CENPP: variants seen among roughly 807,000 people sequenced by gnomAD.
CENPP encodes centromere protein P.
A neutral mutation model predicts 35.6 loss-of-function variants in CENPP; 24 were observed. The ratio of observed to expected loss-of-function variants is 0.67; its 90% CI spans 0.49 to 0.95. The LOEUF is 0.95. Among genes scored for constraint, CENPP ranks in the 40% least tolerant of loss-of-function variants. The pLI is 0.00. For missense variants in CENPP, 332 were observed against 345.3 expected (o/e 0.96, Z 0.31); for synonymous variants, 120 against 125.5 (o/e 0.96, Z 0.29).
intron 4 of CENPP, among the ~76,000 whole-genome samples, chr9:92,346,807 G>A (rs1164481541): frequency 1.3e-5 from 2 of 152,156 alleles, no homozygotes; most frequent in African/African-American, 4.8e-5. Context: ...AAAAATGAGT[G>A]GGCATGGGAT....
intron 5 of CENPP, chr9:92,510,022 A>G: frequency 6.3e-7 from 1 of 1,597,352 alleles, no homozygotes; most frequent in Non-Finnish European, 8.5e-7. Context: ...AAACGCATTA[A>G]CTTCTTCAGA....
At chr9:92,597,995 A>T (rs769018844) in intron 5 of CENPP, among the ~76,000 whole-genome samples, 1 of 152,218 alleles carries the variant, frequency 6.6e-6, no homozygotes, top group Admixed American at 6.5e-5. Flanking sequence ...TAGAAAAATC[A>T]TATTTGTAAC....
At chr9:92,360,141 T>C (rs1418796762) in intron 4 of CENPP, among the ~76,000 whole-genome samples, 1 of 152,240 alleles carries the variant, frequency 6.6e-6, no homozygotes, top group Non-Finnish European at 1.5e-5. Context: ...TCTTTTAATT[T>C]ATTTCATTCA....
chr9:92,594,070 C>G (rs1200924944), intron 5 of CENPP, among the ~76,000 whole-genome samples: 1 of 152,184 alleles, frequency 6.6e-6, no homozygotes, highest in Non-Finnish European at 1.5e-5. Flanking sequence ...ATGGAAGATG[C>G]TAATAACAGA....
Position 92,372,960 on chromosome 9 carries a change from A to C in CENPP, c.468-6803A>C, listed in dbSNP as rs552392600. On this transcript the variant is annotated intron_variant, in intron 4 of 7. Coordinates refer to ENST00000375587, the MANE Select transcript of CENPP (RefSeq NM_001012267.3). The stretch of plus-strand genomic sequence containing the variant: ...ATTGCATTTGCTTTGAGGTCGTTGA[A>C]CATTTTGTTTCTGAATGTCTAAATC... Among the ~76,000 whole-genome samples, 10 of 152,212 alleles carry C rather than the reference A, an allele frequency of 6.6e-5. No homozygotes were observed. In the South Asian group the frequency reaches 1.9e-3, roughly 28 times the overall value.
In CENPP at chr9:92,601,746, A is replaced by G. The variant is rs563565275; in HGVS notation, c.565-9568A>G. On this transcript the variant is annotated intron_variant, in intron 5 of 7. Coordinates refer to ENST00000375587, the MANE Select transcript of CENPP (RefSeq NM_001012267.3). Reference sequence around the variant, plus strand: ...AAATCGGCTGATCAAACAAGGGGATACACTGAGGGTGAAGGGACACAGTCT... The same window carrying G: ...AAATCGGCTGATCAAACAAGGGGATGCACTGAGGGTGAAGGGACACAGTCT... 1.7e-4 allele frequency among the ~76,000 whole-genome samples: 26 copies of G among 152,332 alleles called. 1 individual carries two copies. The East Asian group carries it at 4.8e-3, about 28-fold the overall frequency.
At chr9:92,346,518 G>A (rs1841298531) in intron 4 of CENPP, among the ~76,000 whole-genome samples, 1 of 152,148 alleles carries the variant, frequency 6.6e-6, no homozygotes, top group Non-Finnish European at 1.5e-5. Context: ...AATTAGGTAA[G>A]GTCCATACTA....
At chr9:92,582,013 G>A (rs1850437046) in intron 5 of CENPP, among the ~76,000 whole-genome samples, 1 of 151,598 alleles carries the variant, frequency 6.6e-6, no homozygotes, top group Non-Finnish European at 1.5e-5. Flanking sequence ...GCTAACACAG[G>A]GGAAAAACAC....
intron 5 of CENPP, among the ~76,000 whole-genome samples, chr9:92,437,837 G>A: frequency 6.6e-6 from 1 of 151,988 alleles, no homozygotes; most frequent in Admixed American, 6.6e-5. Flanking sequence ...ACAACTTACT[G>A]CAACTTTAAC....
intron 4 of CENPP, among the ~76,000 whole-genome samples, chr9:92,352,522 TA>T (rs1841489578): frequency 8.9e-6 from 1 of 111,894 alleles, no homozygotes; most frequent in Admixed American, 8.7e-5. Context: ...TATATATATA[TA>T]TATATATATA....
At chr9:92,464,604 A>T in intron 5 of CENPP, 2 of 480,528 alleles carry the variant, frequency 4.2e-6, no homozygotes, top group Non-Finnish European at 4.1e-6. Context: ...TCTGTATAGA[A>T]TTCTCTACCT....
At chr9:92,376,342 C>T (rs544035329) in intron 4 of CENPP, among the ~76,000 whole-genome samples, 1 of 152,278 alleles carries the variant, frequency 6.6e-6, no homozygotes, top group East Asian at 1.9e-4. Context: ...GAAAAACATC[C>T]CCTGTGTAGC....
intron 5 of CENPP, among the ~76,000 whole-genome samples, chr9:92,509,146 G>A (rs1041213930): frequency 1.3e-5 from 2 of 151,792 alleles, no homozygotes; most frequent in Non-Finnish European, 2.9e-5. Context: ...AGAACATGGG[G>A]CACGCTCACT....
At position 92,345,726 on chromosome 9, in the gene CENPP, A is replaced by G. The variant is rs750051509; in HGVS notation, c.406A>G (p.Thr136Ala). 5 of 1,595,706 alleles carry G rather than the reference A, an allele frequency of 3.1e-6. No homozygotes were observed. Among genetic ancestry groups the G allele is most frequent in the Admixed American group, 1.7e-5 (1 of 59,832 alleles). Residue 136 changes from threonine (T) to alanine (A), a missense_variant, in exon 4 of 8, where the codon ACT (threonine) becomes GCT (alanine). Physicochemically the swap from Thr to Ala is moderately conservative, Grantham distance 58. Transcript: ENST00000375587. ...QNKERLSSAV[T>A]DLNIIMEPTE... Reference sequence around the variant, plus strand: ...TAAGGAGAGATTATCTTCTGCTGTTACTGACCTCAACATAATAATGGAGCC... The same window carrying G: ...TAAGGAGAGATTATCTTCTGCTGTTGCTGACCTCAACATAATAATGGAGCC...
chr9:92,460,546 T>G, intron 5 of CENPP: 1 of 1,592,766 alleles, frequency 6.3e-7, no homozygotes. Context: ...TAAGTGAAGC[T>G]CCAATAAAGT....
chr9:92,502,336 G>C (rs1846729057), intron 5 of CENPP, among the ~76,000 whole-genome samples: 1 of 152,194 alleles, frequency 6.6e-6, no homozygotes, highest in African/African-American at 2.4e-5. Flanking sequence ...GTTGGAAACT[G>C]CATGAAGTAG....
chr9:92,413,486 A>C (rs1588112196), intron 5 of CENPP, among the ~76,000 whole-genome samples: 1 of 152,264 alleles, frequency 6.6e-6, no homozygotes, highest in East Asian at 1.9e-4. Context: ...ATGGCTCATA[A>C]ATTTTAAATT....
At chr9:92,361,323 C>G (rs1564278177) in intron 4 of CENPP, among the ~76,000 whole-genome samples, 1 of 151,302 alleles carries the variant, frequency 6.6e-6, no homozygotes, top group Non-Finnish European at 1.5e-5. Flanking sequence ...GTATTGTTAG[C>G]AGAGACGGGG....
At position 92,549,791 on chromosome 9, in the gene CENPP, G is replaced by GGCAGTGGA. The variant is rs113306860; in HGVS notation, c.565-61521_565-61514dup. 2.3e-4 allele frequency among the ~76,000 whole-genome samples: 35 copies of GGCAGTGGA among 152,290 alleles called. 1 individual carries two copies. The highest frequency in any genetic ancestry group is 8.4e-4 in the African/African-American group (35 of 41,554). Reference sequence around the variant, plus strand: ...CTGCCTCCCTAAGATAGTGCTGTTAGGCAGTGGAGAACATAGATGTACGTT... The same window carrying GGCAGTGGA: ...CTGCCTCCCTAAGATAGTGCTGTTAGGCAGTGGAGCAGTGGAGAACATAGATGTACGTT... On this transcript the variant is annotated intron_variant, in intron 5 of 7. Coordinates refer to ENST00000375587, the MANE Select transcript of CENPP (RefSeq NM_001012267.3).
Sources: allele counts gnomAD v4.1 joint callset (sites outside exome capture counted in the v4.1 genomes callset), GRCh38; gene constraint gnomAD v4.1.1; transcripts MANE v1.5; gene names NCBI Gene and HGNC (gene_info 2026-07-23, HGNC 2026-07-21).